BACH2: variants seen among roughly 807,000 people sequenced by gnomAD.
BACH2 encodes the protein transcription regulator protein BACH2.
Under a neutral mutation model 61.8 loss-of-function variants are expected in BACH2, and 5 were observed. That is an observed-to-expected ratio of 0.08 (90% CI 0.04 to 0.17). The LOEUF (loss-of-function observed/expected upper bound fraction) is 0.17. Among genes scored for constraint, BACH2 ranks in the 10% least tolerant of loss-of-function variants. The pLI, the probability that BACH2 is intolerant of heterozygous loss-of-function variation, is 1.00. For missense variants in BACH2, 824 were observed against 1,091.1 expected (o/e 0.76, Z 3.45); for synonymous variants, 446 against 440.1 (o/e 1.01, Z -0.17).
At chr6:90,180,487 TA>T (rs1220971486) in intron 4 of BACH2, among the ~76,000 whole-genome samples, 2 of 152,194 alleles carry the variant, frequency 1.3e-5, no homozygotes, top group East Asian at 3.9e-4. Flanking sequence ...CCAAGTAGTG[TA>T]CACTGTACCC....
chr6:90,125,496 G>C (rs1783810151), intron 4 of BACH2, among the ~76,000 whole-genome samples: 1 of 152,232 alleles, frequency 6.6e-6, no homozygotes, highest in African/African-American at 2.4e-5. Context: ...AGGTAGGCAA[G>C]AGAAACAGCA....
intron 8 of BACH2, among the ~76,000 whole-genome samples, chr6:89,934,283 C>T (rs1036431571): frequency 1.3e-5 from 2 of 152,196 alleles, no homozygotes; most frequent in African/African-American, 4.8e-5. Context: ...ACACATGCTC[C>T]TGTGTTACTG....
chr6:90,008,589 C>A lies in BACH2; in HGVS notation c.243+13G>T, dbSNP rs745508706. 3.1e-6 allele frequency: 5 copies of A among 1,613,548 alleles called. No homozygotes were observed. The highest frequency in any genetic ancestry group is 4.2e-6 in the Non-Finnish European group (5 of 1,179,912). On this transcript the variant is annotated intron_variant, in intron 6 of 8. Coordinates refer to ENST00000257749, the MANE Select transcript of BACH2 (RefSeq NM_021813.4). This position sits in a 1 kb window ranked among gnomAD's most constrained non-coding sequence, Gnocchi z 4.1. Reference sequence around the variant, plus strand: ...AACATTCATTAACAATCACACAAACCAAATTACTGTACCTCCTCAGGCAAG... The same window carrying A: ...AACATTCATTAACAATCACACAAACAAAATTACTGTACCTCCTCAGGCAAG...
At chr6:89,944,889 G>T (rs1234776084) in intron 7 of BACH2, among the ~76,000 whole-genome samples, 1 of 152,036 alleles carries the variant, frequency 6.6e-6, no homozygotes, top group African/African-American at 2.4e-5. Context: ...TTACTAAGAG[G>T]CTTACTACTT....
In BACH2 at chr6:90,103,027, A is replaced by ATT. The variant is rs1163074235; in HGVS notation, c.-161-13919_-161-13918insAA. Among the ~76,000 whole-genome samples, 55 of 24,450 alleles carry ATT rather than the reference A, an allele frequency of 2.2e-3. 1 individual carries two copies. Among genetic ancestry groups the ATT allele is most frequent in the South Asian group, 6.8e-3 (4 of 590 alleles). 16.0% of individuals were successfully genotyped at this position (24,450 alleles called of 152,430 possible). A position where few individuals can be genotyped will look rare whatever the true frequency, so the allele number is the denominator to read the frequency against. ...AATACATATATATATATATATATATATATTTTTTTTTTTTTTTTTTTTTTA... is the reference window on the plus strand; with the variant it reads ...AATACATATATATATATATATATATATTTATTTTTTTTTTTTTTTTTTTTTTA... On this transcript the variant is annotated intron_variant, in intron 4 of 8. Transcript: ENST00000257749.
intron 4 of BACH2, among the ~76,000 whole-genome samples, chr6:90,173,670 C>A (rs556907097): frequency 1.3e-5 from 2 of 151,984 alleles, no homozygotes; most frequent in Admixed American, 6.6e-5. Flanking sequence ...TAATGCCAGA[C>A]GTGAGGGAAG....
intron 4 of BACH2, among the ~76,000 whole-genome samples, chr6:90,169,387 C>A (rs1445293971): frequency 6.6e-6 from 1 of 152,128 alleles, no homozygotes; most frequent in East Asian, 1.9e-4. Flanking sequence ...AAAACTCCCT[C>A]ATGAATAACG....
At chr6:90,033,900 A>G (rs1779136583) in intron 5 of BACH2, among the ~76,000 whole-genome samples, 1 of 152,196 alleles carries the variant, frequency 6.6e-6, no homozygotes, top group South Asian at 2.1e-4. Flanking sequence ...AATGATACCA[A>G]AAGAGACACT....
In BACH2 at chr6:89,950,048, A is replaced by G; in HGVS notation, c.1836+222T>C. 1 of 598,732 alleles carries G rather than the reference A, an allele frequency of 1.7e-6. No homozygotes were observed. Among genetic ancestry groups the G allele is most frequent in the African/African-American group, 1.8e-5 (1 of 54,184 alleles). 37.1% of individuals were successfully genotyped at this position (598,732 alleles called of 1,614,324 possible). ...AGCAGCTTGCCTCTGCTTGTCGAGT[A>G]TTGAGATCCAGATCAAATATCAAGT... On this transcript the variant is annotated intron_variant, in intron 7 of 8. Coordinates refer to ENST00000257749, the MANE Select transcript of BACH2 (RefSeq NM_021813.4). The surrounding 1 kb of genome is among the most constrained non-coding windows in gnomAD (Gnocchi z 5.3).
intron 1 of BACH2, among the ~76,000 whole-genome samples, chr6:90,296,250 T>C (rs539633981): frequency 1.3e-5 from 2 of 151,946 alleles, no homozygotes; most frequent in East Asian, 2.0e-4. Flanking sequence ...AGAGCACACA[T>C]TCGGCGCGGC....
chr6:89,975,103 T>C (rs1436916048), intron 6 of BACH2, among the ~76,000 whole-genome samples: 1 of 152,180 alleles, frequency 6.6e-6, no homozygotes, highest in Non-Finnish European at 1.5e-5. Context: ...GCACTATCCA[T>C]TGAAAAAAAT....
At position 89,929,364 on chromosome 6, in the gene BACH2, C is replaced by G. The variant is rs897351151; in HGVS notation, c.*3044G>C. 6.6e-6 allele frequency: 1 copy of G among 152,268 alleles called. No individual in the cohort carries two copies. Among genetic ancestry groups the G allele is most frequent in the Non-Finnish European group, 1.5e-5 (1 of 68,052 alleles). The allele number at this position is 152,268 out of a possible 1,614,324, so 9.4% of individuals were successfully genotyped here. ...TAGGTTTTAAAATTCCACTTGAGGC[C>G]GTTTGGATTCTGGTCCCCAGCAAGT... On this transcript the variant is annotated 3_prime_UTR_variant, in exon 9 of 9. Coordinates refer to ENST00000257749, the MANE Select transcript of BACH2 (RefSeq NM_021813.4).
At chr6:90,293,016 T>C (rs1384321108) in intron 1 of BACH2, among the ~76,000 whole-genome samples, 1 of 152,168 alleles carries the variant, frequency 6.6e-6, no homozygotes, top group East Asian at 1.9e-4. Context: ...GGTAAGTACA[T>C]AATTTGCAGG....
intron 5 of BACH2, chr6:90,080,640 G>T: frequency 1.7e-6 from 1 of 575,708 alleles, no homozygotes; most frequent in Non-Finnish European, 2.2e-6. Flanking sequence ...TGAGCCCTCT[G>T]CAAACCACAA....
chr6:89,950,569 AG>A lies in BACH2; in HGVS notation c.1536del (p.Leu513TrpfsTer54). ...CTGGAAGTCCTGGTCCTGGTCTCCA[AG>A]GGGGGTGAGCGAGGGCAGACTTTGA... is the stretch of plus-strand genomic sequence containing the variant. ...VPIKVCPRSP[P>X]LETRTRTSSS... is the part of the protein sequence containing the mutation. On this transcript the variant is annotated frameshift_variant, in exon 7 of 9. Transcript: ENST00000257749. LOFTEE classifies it high-confidence loss of function. The surrounding 1 kb of genome is among the most constrained non-coding windows in gnomAD (Gnocchi z 5.3). The A allele has an allele frequency of 6.2e-7, 1 of 1,611,442 alleles. No homozygotes were observed. The highest frequency in any genetic ancestry group is 8.5e-7 in the Non-Finnish European group (1 of 1,178,196).
At chr6:90,023,649 A>C (rs889388971) in intron 5 of BACH2, among the ~76,000 whole-genome samples, 5 of 151,790 alleles carry the variant, frequency 3.3e-5, no homozygotes, top group African/African-American at 9.7e-5. Flanking sequence ...TGGAAATCCT[A>C]ATCCCCAGTA....
rs918636927 is a variant in BACH2, at chr6:89,970,940, G to A, written c.244-19078C>T. On this transcript the variant is annotated intron_variant, in intron 6 of 8. Transcript: ENST00000257749. ...CAAAAAATATATGCGGGATCTTAAC[G>A]GTGTATTTTTTAGGTGCAATAAAAA... Among the ~76,000 whole-genome samples, 8 of 152,192 alleles carry A rather than the reference G, an allele frequency of 5.3e-5. No homozygotes were observed. The East Asian group carries it at 9.6e-4, about 18-fold the overall frequency.
chr6:90,098,405 G>A (rs1782471115), intron 4 of BACH2, among the ~76,000 whole-genome samples: 1 of 152,090 alleles, frequency 6.6e-6, no homozygotes, highest in Non-Finnish European at 1.5e-5. Context: ...CAGGCTGTGA[G>A]ATCATTCACT....
intron 4 of BACH2, among the ~76,000 whole-genome samples, chr6:90,183,846 T>G (rs534541605): frequency 1.1e-4 from 16 of 152,188 alleles, no homozygotes; most frequent in Non-Finnish European, 2.1e-4. Context: ...ATGAAGCAAT[T>G]AGGCATGTAC....
Sources: gnomAD v4.1 joint callset for allele counts (sites outside exome capture counted in the v4.1 genomes callset) on GRCh38, gnomAD v4.1.1 for gene constraint, Gnocchi (gnomAD v3.1) non-coding constraint, MANE v1.5 for transcripts, NCBI Gene and HGNC (gene_info 2026-07-23, HGNC 2026-07-21) for gene names.